Variants in CFAP92 observed in about 807,000 individuals in gnomAD.
CFAP92 encodes uncharacterized protein CFAP92.
CFAP92 carries 86 observed loss-of-function variants against 106.3 expected under a neutral mutation model. That is an observed-to-expected ratio of 0.81 (90% CI 0.68 to 0.97). The LOEUF is 0.97. Ranked by LOEUF, CFAP92 falls within the 50% of genes least tolerant of loss-of-function variation. The pLI is 0.00. For missense variants in CFAP92, 1,204 were observed against 1,283.8 expected (o/e 0.94, Z 0.95); for synonymous variants, 477 against 506.4 (o/e 0.94, Z 0.78).
At position 128,971,285 on chromosome 3, in the gene CFAP92, A is replaced by C; in HGVS notation, c.1168+2T>G. ...GCTGGGAACAGGGCAAGCAGTGGGT[A>C]CCGGCAAGGAGCGGCATGACGGCCA... is the stretch of plus-strand genomic sequence containing the variant. On this transcript the variant is annotated splice_donor_variant, in intron 8 of 15. Transcript: ENST00000645291. LOFTEE classifies it high-confidence loss of function. 1 of 1,613,776 alleles carries C rather than the reference A, an allele frequency of 6.2e-7. No individual in the cohort carries two copies. The highest frequency in any genetic ancestry group is 8.5e-7 in the Non-Finnish European group (1 of 1,179,844).
chr3:128,933,116 G>T, intron 11 of CFAP92, 119 bp from the exon 12 acceptor site: 1 of 937,968 alleles, frequency 1.1e-6, no homozygotes, highest in Non-Finnish European at 1.6e-6. Flanking sequence ...CCCAAGTCCT[G>T]GAGCTTGTGA....
rs145788844 is a variant in CFAP92 at position 128,911,654 on chromosome 3, C to G, written c.3281-1321G>C. Reference sequence around the variant, plus strand: ...ACAGGGTTTCACCATGTTGGCCAAGCTGGTCTCCAACCCCTGACCTCAGGT... The same window carrying G: ...ACAGGGTTTCACCATGTTGGCCAAGGTGGTCTCCAACCCCTGACCTCAGGT... On this transcript the variant is annotated intron_variant, in intron 15 of 15. Transcript: ENST00000645291. Among the ~76,000 whole-genome samples the G allele has an allele frequency of 8.3e-3, 1,263 of 151,880 alleles. 20 individuals are homozygous for G. The highest frequency in any genetic ancestry group is 0.029 in the African/African-American group (1,191 of 41,524).
rs117931302 is a variant in CFAP92 at position 128,957,037 on chromosome 3, G to C, written c.1353+8474C>G. Among the ~76,000 whole-genome samples the C allele has an allele frequency of 6.2e-5, 9 of 144,772 alleles. No individual in the cohort carries two copies. In the East Asian group the frequency reaches 1.8e-3, roughly 29 times the overall value. The allele number at this position is 144,772 out of a possible 152,430, so 95.0% of individuals were successfully genotyped here. A position where few individuals can be genotyped will look rare whatever the true frequency, so the allele number is the denominator to read the frequency against. Reference sequence around the variant, plus strand: ...TCTATACCAATTCTATATCCAGTAAGACTATCCTTCCAGAATGAAGGAAAA... The same window carrying C: ...TCTATACCAATTCTATATCCAGTAACACTATCCTTCCAGAATGAAGGAAAA... On this transcript the variant is annotated intron_variant, in intron 9 of 15. Coordinates refer to ENST00000645291, the MANE Select transcript of CFAP92 (RefSeq NM_001394090.1).
rs369196539 is a variant in CFAP92 at position 128,993,085 on chromosome 3, G to A, written c.220C>T (p.Pro74Ser). 2 of 1,614,074 alleles carry A rather than the reference G, an allele frequency of 1.2e-6. No homozygotes were observed. Among genetic ancestry groups the A allele is most frequent in the East Asian group, 4.5e-5 (2 of 44,886 alleles). ...GCCAGTGAGATGGTGAATTTGCAGG[G>A]GACCACGTGGGGCACGTCGGAGCTG... is the stretch of plus-strand genomic sequence containing the variant. ...TFSSDVPHVV[P>S]CKFTISLAFP... Residue 74 changes from proline to serine, a missense_variant, in exon 2 of 16, where the codon CCC becomes TCC. Pro to Ser is a moderately conservative substitution (Grantham distance 74). Coordinates refer to ENST00000645291, the MANE Select transcript of CFAP92 (RefSeq NM_001394090.1).
At chr3:129,007,299 C>T (rs1218582571), upstream of CFAP92, among the ~76,000 whole-genome samples, 1 of 152,200 alleles carries the variant, frequency 6.6e-6, no homozygotes, top group Admixed American at 6.5e-5. Context: ...CTGAATCAGC[C>T]CCGTCCTCTG....
chr3:129,016,109 A>C, the CFAP92 span, among the ~76,000 whole-genome samples: 1 of 152,182 alleles, frequency 6.6e-6, no homozygotes, highest in Non-Finnish European at 1.5e-5. Context: ...CAGGCGGTGT[A>C]ATGGGCTTTT....
At chr3:128,981,583 G>A (rs758856077) in intron 4 of CFAP92, among the ~76,000 whole-genome samples, 1 of 151,854 alleles carries the variant, frequency 6.6e-6, no homozygotes, top group South Asian at 2.1e-4. Context: ...CACCCACCTC[G>A]GCCTCCCAAA....
chr3:128,957,944 C>T (rs755093395), intron 9 of CFAP92, among the ~76,000 whole-genome samples: 9 of 152,178 alleles, frequency 5.9e-5, no homozygotes, highest in Non-Finnish European at 1.2e-4. Context: ...CAGGAAGGTC[C>T]TTCCTTGCCT....
chr3:128,958,375 C>CA (rs2107753948), intron 9 of CFAP92, among the ~76,000 whole-genome samples: 1 of 152,282 alleles, frequency 6.6e-6, no homozygotes, highest in South Asian at 2.1e-4. Flanking sequence ...AGTGCTGTGA[C>CA]AGTTACATAC....
chr3:128,931,023 A>AG (rs1156980710), intron 12 of CFAP92, among the ~76,000 whole-genome samples: 1 of 152,004 alleles, frequency 6.6e-6, no homozygotes, highest in Admixed American at 6.6e-5. Context: ...CTCCTGCTTC[A>AG]GCCTCCCAAG....
Position 128,935,198 on chromosome 3 carries a change from C to T in CFAP92, c.2380G>A (p.Glu794Lys), listed in dbSNP as rs1306150940. The T allele has an allele frequency of 2.6e-6, 4 of 1,535,964 alleles. No homozygotes were observed. The African/African-American group carries it at 5.5e-5, about 21-fold the overall frequency. ...AACACCGCCTGCTGCAGCAGCAGCT[C>T]CGTGGGCTGGAAGAGGTGCACGTGG... ...LYHVHLFQPT[E>K]LLLQQAVFFL... Residue 794 changes from glutamate to lysine, a missense_variant, in exon 11 of 16, where the codon GAG (glutamate) becomes AAG (lysine). Transcript: ENST00000645291.
chr3:128,950,966 A>G (rs1048744672), intron 9 of CFAP92, among the ~76,000 whole-genome samples: 2 of 152,126 alleles, frequency 1.3e-5, no homozygotes, highest in Non-Finnish European at 2.9e-5. Flanking sequence ...GCCTGGGTCA[A>G]CTCTGCAAAC....
At chr3:129,012,818 C>T in the CFAP92 span, among the ~76,000 whole-genome samples, 1 of 152,144 alleles carries the variant, frequency 6.6e-6, no homozygotes, top group South Asian at 2.1e-4. Context: ...AGTGAAAATT[C>T]AAGAAACATA....
At chr3:128,958,443 T>C (rs1206058322) in intron 9 of CFAP92, among the ~76,000 whole-genome samples, 1 of 152,214 alleles carries the variant, frequency 6.6e-6, no homozygotes, top group Non-Finnish European at 1.5e-5. Context: ...AATGTGCTGA[T>C]TTTGATATTG....
At chr3:129,003,952 G>A, upstream of CFAP92, 4 of 1,420,560 alleles carry the variant, frequency 2.8e-6, no homozygotes, top group Non-Finnish European at 3.7e-6. Context: ...GGCGGCGCGC[G>A]GAGGAGGCCC....
At chr3:128,992,905 T>G in intron 2 of CFAP92, 138 bp downstream of exon 2, 1 of 960,026 alleles carries the variant, frequency 1.0e-6, no homozygotes, top group Non-Finnish European at 1.6e-6. Context: ...CAACCTCTGC[T>G]CCTGGCTGGC....
intron 15 of CFAP92, chr3:128,910,679 T>A (rs1377857174): frequency 1.3e-6 from 2 of 1,593,312 alleles, no homozygotes; most frequent in Non-Finnish European, 1.7e-6. Flanking sequence ...GCTGGGTTTT[T>A]GAAGCTCAGA....
intron 9 of CFAP92, among the ~76,000 whole-genome samples, chr3:128,953,164 A>G (rs1244539383): frequency 6.6e-6 from 1 of 152,160 alleles, no homozygotes; most frequent in East Asian, 1.9e-4. Context: ...CTCAATGCAG[A>G]ATGGAATGTA....
intron 4 of CFAP92, among the ~76,000 whole-genome samples, chr3:128,981,582 C>G (rs1335770470): frequency 6.6e-6 from 1 of 152,144 alleles, no homozygotes; most frequent in East Asian, 1.9e-4. Context: ...CCACCCACCT[C>G]GGCCTCCCAA....
Sources: gnomAD v4.1 joint callset for allele counts (sites outside exome capture counted in the v4.1 genomes callset) on GRCh38, gnomAD v4.1.1 for gene constraint, MANE v1.5 for transcripts, NCBI Gene and HGNC (gene_info 2026-07-23, HGNC 2026-07-21) for gene names.